SLCO5A1: variants seen among roughly 807,000 people sequenced by gnomAD.
The protein encoded by SLCO5A1 is solute carrier organic anion transporter family member 5A1.
In SLCO5A1, 39 loss-of-function variants were observed where a neutral mutation model predicts 65.1. That is an observed-to-expected ratio of 0.60 (90% CI 0.46 to 0.78). The LOEUF is 0.78. SLCO5A1 is among the 30% of genes least tolerant of loss of function. SLCO5A1 has a pLI of 0.00. For synonymous variants in SLCO5A1, 438 were observed against 415.7 expected (o/e 1.05, Z -0.65); for missense variants, 1,029 against 1,069.4 (o/e 0.96, Z 0.53).
chr8:69,794,456 TG>T, intron 2 of SLCO5A1: 1 of 442,192 alleles, frequency 2.3e-6, no homozygotes, highest in Non-Finnish European at 4.4e-6. Flanking sequence ...TGATGAAAAG[TG>T]GAAGAGTATT....
rs563154851 is a variant in SLCO5A1, at chr8:69,831,061, T to C, written c.907+706A>G. On this transcript the variant is annotated intron_variant, in intron 2 of 9. Coordinates refer to ENST00000260126, the MANE Select transcript of SLCO5A1 (RefSeq NM_030958.3). The stretch of plus-strand genomic sequence containing the variant: ...ACCAAGGAGGGTGGATCACCTGAGG[T>C]CAAGAGTTCAAGACCAGCCTGACAA... 5.3e-5 allele frequency among the ~76,000 whole-genome samples: 8 copies of C among 152,056 alleles called. No individual in the cohort carries two copies. In the South Asian group the frequency reaches 1.7e-3, roughly 32 times the overall value.
At chr8:69,826,097 A>T (rs1477874370) in intron 2 of SLCO5A1, among the ~76,000 whole-genome samples, 2 of 152,250 alleles carry the variant, frequency 1.3e-5, no homozygotes, top group Middle Eastern at 3.2e-3. Flanking sequence ...CTGAAACTGG[A>T]TCCCTTCCTT....
intron 4 of SLCO5A1, among the ~76,000 whole-genome samples, chr8:69,749,102 C>A (rs1305495776): frequency 6.6e-6 from 1 of 152,158 alleles, no homozygotes; most frequent in African/African-American, 2.4e-5. Context: ...CTCTTTGCTG[C>A]GTCAAAAACT....
chr8:69,786,433 C>A (rs1006926957), intron 2 of SLCO5A1, among the ~76,000 whole-genome samples: 1 of 152,124 alleles, frequency 6.6e-6, no homozygotes, highest in East Asian at 1.9e-4. Context: ...ATACTAGGAG[C>A]ATTTTAAAAA....
chr8:69,741,393 T>C (rs184028367), intron 4 of SLCO5A1, among the ~76,000 whole-genome samples: 10 of 152,350 alleles, frequency 6.6e-5, no homozygotes, highest in Admixed American at 6.5e-4. Flanking sequence ...TTGACGATTA[T>C]GTTGTAATAG....
intron 2 of SLCO5A1, among the ~76,000 whole-genome samples, chr8:69,772,577 A>AGGAAT (rs1327984693): frequency 2.7e-4 from 25 of 92,986 alleles, no homozygotes; most frequent in African/African-American, 1.0e-3. Flanking sequence ...AGGAAAGGAA[A>AGGAAT]GGAAAGGAAA....
chr8:69,688,711 C>A (rs1399099707), intron 6 of SLCO5A1, among the ~76,000 whole-genome samples: 1 of 152,082 alleles, frequency 6.6e-6, no homozygotes, highest in African/African-American at 2.4e-5. Flanking sequence ...TGTATATGTG[C>A]CACATTTTCT....
At chr8:69,693,060 C>A (rs193052418) in intron 6 of SLCO5A1, among the ~76,000 whole-genome samples, 5 of 152,332 alleles carry the variant, frequency 3.3e-5, no homozygotes, top group Admixed American at 3.3e-4. Flanking sequence ...CAACGCATTG[C>A]ACTTCGACCT....
intron 2 of SLCO5A1, among the ~76,000 whole-genome samples, chr8:69,802,571 C>T (rs1004678331): frequency 3.3e-5 from 5 of 150,606 alleles, no homozygotes; most frequent in Non-Finnish European, 7.4e-5. Flanking sequence ...ATTTCCTGAA[C>T]GTATCTGGTC....
rs1409807234 is a variant in SLCO5A1 at position 69,667,955 on chromosome 8, C to T, written c.*4914G>A. ...TCTTCAGATTTCCAAACACAAAGTA[C>T]ATGCAGCCACTTAGCAGTGAAATAC... On this transcript the variant is annotated 3_prime_UTR_variant, in exon 10 of 10. Transcript: ENST00000260126. The T allele has an allele frequency of 2.6e-5, 4 of 152,212 alleles. No homozygotes were observed. Among genetic ancestry groups the T allele is most frequent in the African/African-American group, 4.8e-5 (2 of 41,446 alleles). 9.4% of individuals were successfully genotyped at this position (152,212 alleles called of 1,614,324 possible).
At chr8:69,677,146 T>G (rs557980975) in intron 8 of SLCO5A1, among the ~76,000 whole-genome samples, 1 of 151,936 alleles carries the variant, frequency 6.6e-6, no homozygotes, top group Non-Finnish European at 1.5e-5. Context: ...GAAAGAAGAG[T>G]AAAGAATAAA....
intron 2 of SLCO5A1, among the ~76,000 whole-genome samples, chr8:69,787,446 T>C (rs1819080410): frequency 6.6e-6 from 1 of 152,198 alleles, no homozygotes; most frequent in African/African-American, 2.4e-5. Context: ...GTTTGGATGA[T>C]AACATGACTT....
rs189487105 is a variant in SLCO5A1 at position 69,765,051 on chromosome 8, A to G, written c.908-3176T>C. Among the ~76,000 whole-genome samples the G allele has an allele frequency of 1.4e-4, 21 of 152,340 alleles. No homozygotes were observed. In the East Asian group the frequency reaches 2.9e-3, roughly 21 times the overall value. ...ATAGATAAAGCTTTTTAAAATTTGGAAAAGTAACCAGAAACATTTATTTCT... is the reference window on the plus strand; with the variant it reads ...ATAGATAAAGCTTTTTAAAATTTGGGAAAGTAACCAGAAACATTTATTTCT... On this transcript the variant is annotated intron_variant, in intron 2 of 9. Coordinates refer to ENST00000260126, the MANE Select transcript of SLCO5A1 (RefSeq NM_030958.3).
intron 5 of SLCO5A1, among the ~76,000 whole-genome samples, chr8:69,726,019 G>A (rs927950932): frequency 1.3e-5 from 2 of 152,232 alleles, no homozygotes; most frequent in African/African-American, 4.8e-5. Flanking sequence ...GCACCGAGGT[G>A]AATGTCCTCA....
At chr8:69,709,829 A>G (rs1358108979) in intron 5 of SLCO5A1, among the ~76,000 whole-genome samples, 1 of 152,164 alleles carries the variant, frequency 6.6e-6, no homozygotes, top group Non-Finnish European at 1.5e-5. Context: ...ATAGAGGGTA[A>G]TATGGGTCCA....
intron 4 of SLCO5A1, among the ~76,000 whole-genome samples, chr8:69,750,026 G>C (rs1460752471): frequency 6.6e-6 from 1 of 152,172 alleles, no homozygotes; most frequent in Non-Finnish European, 1.5e-5. Flanking sequence ...AGACTCTCTG[G>C]CACGTTTGAG....
At chr8:69,684,048 T>C (rs1274790286) in intron 6 of SLCO5A1, among the ~76,000 whole-genome samples, 1 of 152,108 alleles carries the variant, frequency 6.6e-6, no homozygotes, top group Admixed American at 6.5e-5. Context: ...TATCAAGAAA[T>C]CCTCCTAACA....
At chr8:69,708,411 A>G (rs760670589) in intron 5 of SLCO5A1, among the ~76,000 whole-genome samples, 38 of 152,212 alleles carry the variant, frequency 2.5e-4, no homozygotes, top group Non-Finnish European at 3.8e-4. Context: ...GTAGTTATTA[A>G]TTAGCCAGGC....
chr8:69,676,747 T>C (rs993824533), intron 8 of SLCO5A1, 74 bp from the exon 9 acceptor site: 29 of 1,352,270 alleles, frequency 2.1e-5, no homozygotes, highest in Non-Finnish European at 2.8e-5. Context: ...TCAAGTCGGC[T>C]TTGTGCAGAG....
Sources: gnomAD v4.1 joint callset for allele counts (sites outside exome capture counted in the v4.1 genomes callset) on GRCh38, gnomAD v4.1.1 for gene constraint, MANE v1.5 for transcripts, NCBI Gene and HGNC (gene_info 2026-07-23, HGNC 2026-07-21) for gene names.